TRIM48: variants seen among roughly 807,000 people sequenced by gnomAD.
The protein encoded by TRIM48 is tripartite motif containing 48.
TRIM48 carries 31 observed loss-of-function variants against 29.5 expected under a neutral mutation model. The ratio of observed to expected loss-of-function variants is 1.05; its 90% CI spans 0.79 to 1.42. The LOEUF is 1.42. Ranked by LOEUF, TRIM48 falls within the 40% of genes most tolerant of loss-of-function variation. The probability of loss-of-function intolerance (pLI) is 0.00; values close to 1 mark genes in which losing one functional copy is unlikely to be tolerated. For synonymous variants in TRIM48, 128 were observed against 90.6 expected (o/e 1.41, Z -2.34); for missense variants, 344 against 265.0 (o/e 1.30, Z -2.07).
Position 55,269,321 on chromosome 11 carries a change from A to T in TRIM48, c.658A>T (p.Arg220Trp). 1 of 1,575,612 alleles carries T rather than the reference A, an allele frequency of 6.3e-7. No homozygotes were observed. Among genetic ancestry groups the T allele is most frequent in the Non-Finnish European group, 8.6e-7 (1 of 1,165,998 alleles). Residue 220 changes from arginine (R) to tryptophan (W), a missense_variant, in exon 5 of 6, where the codon AGG (arginine) becomes TGG (tryptophan). Transcript: ENST00000417545. ...RAGPITGLRD[R>W]LNQF ...AGGGCCCATCACTGGACTGAGGGAC[A>T]GGCTCAACCAATTCTGAGGTAAGTC...
Position 55,270,870 on chromosome 11 carries a change from A to G in TRIM48, c.*435A>G, listed in dbSNP as rs1169345254. 1.3e-6 allele frequency: 2 copies of G among 1,563,832 alleles called. No individual in the cohort carries two copies. The highest frequency in any genetic ancestry group is 1.4e-5 in the African/African-American group (1 of 72,888). On this transcript the variant is annotated 3_prime_UTR_variant, in exon 6 of 6. Transcript: ENST00000417545. ...TTGATGTTAGTCAAAGCTCCCCTAT[A>G]TACACCATCCCTAATTGCTCCTTCT... is the stretch of plus-strand genomic sequence containing the variant.
rs1219269442 is a variant in TRIM48, at chr11:55,265,325, C to T, written c.459+11C>T. ...GCTGAGGAACACTGGGTAAGTGATGCCTCTGAAGATCTATTTCTATAAAGG... is the reference window on the plus strand; with the variant it reads ...GCTGAGGAACACTGGGTAAGTGATGTCTCTGAAGATCTATTTCTATAAAGG... On this transcript the variant is annotated intron_variant, in intron 2 of 5. Transcript: ENST00000417545. The T allele has an allele frequency of 2.5e-6, 4 of 1,581,896 alleles. No individual in the cohort carries two copies. Among genetic ancestry groups the T allele is most frequent in the East Asian group, 2.4e-5 (1 of 41,292 alleles).
intron 3 of TRIM48, among the ~76,000 whole-genome samples, chr11:55,268,098 A>G (rs1407995265): frequency 6.8e-6 from 1 of 147,756 alleles, no homozygotes; most frequent in African/African-American, 2.5e-5. Context: ...ACCATGGAGC[A>G]TAGACTCTCT....
chr11:55,268,434 T>C, intron 4 of TRIM48, 62 bp downstream of exon 4: 1 of 1,439,168 alleles, frequency 6.9e-7, no homozygotes, highest in Non-Finnish European at 9.6e-7. Context: ...CAAAGCAGGC[T>C]CTACCAAAGT....
intron 3 of TRIM48, among the ~76,000 whole-genome samples, chr11:55,266,844 T>C (rs1428163818): frequency 1.4e-5 from 2 of 147,362 alleles, no homozygotes; most frequent in African/African-American, 5.0e-5. Flanking sequence ...TTTGGAGGCC[T>C]GGGGAACCAA....
intron 3 of TRIM48, among the ~76,000 whole-genome samples, chr11:55,267,167 T>A (rs1385050630): frequency 6.8e-6 from 1 of 148,052 alleles, no homozygotes; most frequent in Admixed American, 6.8e-5. Context: ...AATTGTGTTT[T>A]TTTTTATTTC....
chr11:55,268,242 A>T (rs566134865), intron 3 of TRIM48, 108 bp from the exon 4 acceptor site: 5 of 1,005,968 alleles, frequency 5.0e-6, no homozygotes, highest in South Asian at 1.5e-5. Context: ...GAAGAGAAGA[A>T]GGTAGGGAAA....
At chr11:55,263,012 C>T (rs1434665834) in intron 1 of TRIM48, among the ~76,000 whole-genome samples, 2 of 151,932 alleles carry the variant, frequency 1.3e-5, no homozygotes, top group Non-Finnish European at 2.9e-5. Context: ...CTTAAAATTG[C>T]CAAAGACCAT....
intron 3 of TRIM48, among the ~76,000 whole-genome samples, chr11:55,266,758 ATG>A (rs376710706): frequency 5.4e-5 from 8 of 146,902 alleles, no homozygotes; most frequent in East Asian, 2.2e-4. Context: ...GAGTGTGTAT[ATG>A]TGTGTGTGTG....
At position 55,265,779 on chromosome 11, in the gene TRIM48, C is replaced by T. The variant is rs559652885; in HGVS notation, c.555+84C>T. 4.4e-5 allele frequency: 53 copies of T among 1,211,084 alleles called. 3 individuals carry two copies. The highest frequency in any genetic ancestry group is 6.2e-5 in the East Asian group (2 of 32,144). The allele number at this position is 1,211,084 out of a possible 1,614,324, so 75.0% of individuals were successfully genotyped here. ...TTAAAATAGGAACTTGATATCAAAC[C>T]GTAATGTTTCTGGGAGTCAAAAAAA... On this transcript the variant is annotated intron_variant, in intron 3 of 5. Transcript: ENST00000417545.
Position 55,265,057 on chromosome 11 carries a change from T to C in TRIM48, c.202T>C (p.Cys68Arg). The change falls in exon 2 of 6, where the codon TGC becomes CGC. Residue 68 changes from cysteine to arginine, a missense_variant. Transcript: ENST00000417545. ...GCAAGACATCCCAATTCTTACTCAG[T>C]GCTTTGAATGCATAAAGACAATACA... ...NWQDIPILTQ[C>R]FECIKTIQQR... 4 of 1,583,878 alleles carry C rather than the reference T, an allele frequency of 2.5e-6. 1 individual carries two copies. Among genetic ancestry groups the C allele is most frequent in the South Asian group, 1.2e-5 (1 of 83,700 alleles).
intron 4 of TRIM48, among the ~76,000 whole-genome samples, chr11:55,268,620 G>A (rs1220489162): frequency 6.8e-6 from 1 of 147,862 alleles, no homozygotes; most frequent in Non-Finnish European, 1.5e-5. Flanking sequence ...AGCCTGCATA[G>A]GTGAAAGATG....
intron 2 of TRIM48, 75 bp from the exon 3 acceptor site, chr11:55,265,525 G>T (rs191532573): frequency 1.3e-6 from 2 of 1,525,262 alleles, no homozygotes; most frequent in African/African-American, 1.4e-5. Context: ...CTCATTCTGG[G>T]CCCCCTCCCA....
At chr11:55,268,644 T>A (rs1426000826) in intron 4 of TRIM48, among the ~76,000 whole-genome samples, 3 of 147,954 alleles carry the variant, frequency 2.0e-5, no homozygotes, top group African/African-American at 2.5e-5. Context: ...TTTTGTTTTG[T>A]GGATGGTGAG....
chr11:55,265,660 C>A lies in TRIM48; in HGVS notation c.520C>A (p.Leu174Met). ...WEKACENQRNLNVETTRISHW... is the reference protein window; with the variant it reads ...WEKACENQRNMNVETTRISHW... Reference sequence around the variant, plus strand: ...AAAAGCTTGTGAAAATCAGAGAAACCTGAATGTGGAAACCACCAGAATCAG... The same window carrying A: ...AAAAGCTTGTGAAAATCAGAGAAACATGAATGTGGAAACCACCAGAATCAG... The change falls in exon 3 of 6, where the codon CTG (leucine) becomes ATG (methionine). Residue 174 changes from leucine (L) to methionine (M), a missense_variant. By Grantham distance (15) the Leu-to-Met change is conservative (BLOSUM62 2). Coordinates refer to ENST00000417545, the MANE Select transcript of TRIM48 (RefSeq NM_024114.5). 2 of 1,581,354 alleles carry A rather than the reference C, an allele frequency of 1.3e-6. No homozygotes were observed. Among genetic ancestry groups the A allele is most frequent in the Non-Finnish European group, 8.6e-7 (1 of 1,165,222 alleles).
Position 55,270,963 on chromosome 11 carries a change from T to C in TRIM48, c.*528T>C. The stretch of plus-strand genomic sequence containing the variant: ...CAGAGACAAATCAGAAATGTGTTCA[T>C]CTGCTGTGGGAACCCCTTTATCCCA... On this transcript the variant is annotated 3_prime_UTR_variant, in exon 6 of 6. Coordinates refer to ENST00000417545, the MANE Select transcript of TRIM48 (RefSeq NM_024114.5). 2 of 1,539,354 alleles carry C rather than the reference T, an allele frequency of 1.3e-6. 1 individual carries two copies. Among genetic ancestry groups the C allele is most frequent in the South Asian group, 2.5e-5 (2 of 81,510 alleles).
At chr11:55,266,229 G>A (rs1346091873) in intron 3 of TRIM48, among the ~76,000 whole-genome samples, 2 of 147,574 alleles carry the variant, frequency 1.4e-5, no homozygotes, top group African/African-American at 5.0e-5. Flanking sequence ...AAAGTGGTGA[G>A]AAATATGGAT....
chr11:55,266,311 G>A (rs1206560636), intron 3 of TRIM48, among the ~76,000 whole-genome samples: 2 of 147,676 alleles, frequency 1.4e-5, no homozygotes, highest in East Asian at 4.3e-4. Flanking sequence ...GGAGAACTCT[G>A]AGGACTTCAG....
In TRIM48 at chr11:55,265,010, G is replaced by T; in HGVS notation, c.155G>T (p.Arg52Met). 6.3e-7 allele frequency: 1 copy of T among 1,584,656 alleles called. No individual in the cohort carries two copies. Among genetic ancestry groups the T allele is most frequent in the Non-Finnish European group, 8.6e-7 (1 of 1,166,448 alleles). ...ATAGACTGTGGGCACAGCTTTTGCA[G>T]GCCCTGTTTCTACCTCAACTGGCAA... ...VTIDCGHSFC[R>M]PCFYLNWQDI... is the part of the protein sequence containing the mutation. Residue 52 changes from arginine to methionine, a missense_variant, in exon 2 of 6, where the codon AGG (arginine) becomes ATG (methionine). By Grantham distance (91) the Arg-to-Met change is moderately conservative. Coordinates refer to ENST00000417545, the MANE Select transcript of TRIM48 (RefSeq NM_024114.5).
Sources: gnomAD v4.1 joint callset for allele counts (sites outside exome capture counted in the v4.1 genomes callset) on GRCh38, gnomAD v4.1.1 for gene constraint, MANE v1.5 for transcripts, NCBI Gene and HGNC (gene_info 2026-07-23, HGNC 2026-07-21) for gene names.